Variants in LMNTD1 observed in about 807,000 individuals in gnomAD.
LMNTD1 encodes the protein lamin tail domain-containing protein 1.
In LMNTD1, 35 loss-of-function variants were observed where a neutral mutation model predicts 50.9. The observed-to-expected ratio is 0.69, with a 90% CI of 0.53 to 0.91. The LOEUF (loss-of-function observed/expected upper bound fraction) is 0.91. Among genes scored for constraint, LMNTD1 ranks in the 40% least tolerant of loss-of-function variants. The pLI, the probability that LMNTD1 is intolerant of heterozygous loss-of-function variation, is 0.00. For missense variants in LMNTD1, 470 were observed against 475.5 expected (o/e 0.99, Z 0.11); for synonymous variants, 153 against 161.9 (o/e 0.94, Z 0.42).
intron 6 of LMNTD1, among the ~76,000 whole-genome samples, chr12:25,521,025 T>C (rs1941280832): frequency 1.3e-5 from 2 of 152,222 alleles, no homozygotes. Flanking sequence ...AAATGTCTAT[T>C]CAGGTCTTTT....
At chr12:25,548,754 G>A (rs1244792703) in intron 3 of LMNTD1, among the ~76,000 whole-genome samples, 1 of 151,958 alleles carries the variant, frequency 6.6e-6, no homozygotes, top group Non-Finnish European at 1.5e-5. Context: ...CATGGGTATT[G>A]CTGAGCACAT....
chr12:25,538,376 A>G (rs1311983679), intron 4 of LMNTD1, among the ~76,000 whole-genome samples: 1 of 151,494 alleles, frequency 6.6e-6, no homozygotes, highest in African/African-American at 2.4e-5. Flanking sequence ...GCGGATCTCT[A>G]GGCAGAAACC....
At chr12:25,607,976 T>C (rs1946152335) in intron 1 of LMNTD1, among the ~76,000 whole-genome samples, 1 of 152,198 alleles carries the variant, frequency 6.6e-6, no homozygotes, top group Non-Finnish European at 1.5e-5. Context: ...TCTAAGTCTC[T>C]TTGTAGGTCT....
chr12:25,541,519 T>A (rs897305416), intron 4 of LMNTD1, among the ~76,000 whole-genome samples: 8 of 101,438 alleles, frequency 7.9e-5, no homozygotes, highest in African/African-American at 2.6e-4. Context: ...GCTAGCCATA[T>A]GTAGAAAGCT....
chr12:25,549,526 ACT>A lies in LMNTD1; in HGVS notation c.108_109del (p.Val37IlefsTer36). ...TGGGGAAAAATGTACTAAAGAATAT[ACT>A]CCAAGTTTGTCTTCTCTTCTGTGTA... On this transcript the variant is annotated frameshift_variant, in exon 3 of 10. Transcript: ENST00000458174. LOFTEE classifies it high-confidence loss of function. 6.2e-7 allele frequency: 1 copy of A among 1,606,734 alleles called. No homozygotes were observed. Among genetic ancestry groups the A allele is most frequent in the East Asian group, 2.2e-5 (1 of 44,714 alleles).
Position 25,549,346 on chromosome 12 carries a change from G to C in LMNTD1, c.290C>G (p.Ser97Cys), listed in dbSNP as rs762335329. ...CTTACCCAAGCTGTTTTCCACTCTG[G>C]AACAGCTACCTACAGTAGCTTTAGA... Reference protein sequence around the residue: ...LTSKATVGSCSRVENSLDASP... With the variant: ...LTSKATVGSCCRVENSLDASP... The change falls in exon 3 of 10, where the codon TCC becomes TGC. Residue 97 changes from serine to cysteine, a missense_variant. By Grantham distance (112) the Ser-to-Cys change is moderately radical (BLOSUM62 -1). Transcript: ENST00000458174. The C allele has an allele frequency of 2.5e-6, 4 of 1,607,356 alleles. No homozygotes were observed. Among genetic ancestry groups the C allele is most frequent in the Admixed American group, 1.7e-5 (1 of 59,586 alleles).
chr12:25,568,914 A>G (rs1944668034), intron 1 of LMNTD1, among the ~76,000 whole-genome samples: 2 of 152,226 alleles, frequency 1.3e-5, no homozygotes, highest in South Asian at 4.1e-4. Context: ...AGCCTGCCAC[A>G]TGGGAGGAGC....
At chr12:25,643,827 GATT>G (rs145275411) in intron 1 of LMNTD1, among the ~76,000 whole-genome samples, 2,742 of 152,286 alleles carry the variant, frequency 0.018, 76 homozygotes, top group African/African-American at 0.062. Flanking sequence ...GTAGTTAGTT[GATT>G]ATGAGTCCAA....
intron 8 of LMNTD1, among the ~76,000 whole-genome samples, chr12:25,515,150 A>G (rs1180676819): frequency 6.6e-6 from 1 of 152,056 alleles, no homozygotes; most frequent in Non-Finnish European, 1.5e-5. Flanking sequence ...ATTGCCGTAG[A>G]CATAACATTT....
intron 1 of LMNTD1, among the ~76,000 whole-genome samples, chr12:25,563,417 C>A (rs1002761342): frequency 6.6e-6 from 1 of 152,228 alleles, no homozygotes; most frequent in Non-Finnish European, 1.5e-5. Context: ...CCACTCCAAA[C>A]GCTGTTTGCC....
intron 4 of LMNTD1, among the ~76,000 whole-genome samples, chr12:25,544,561 T>G (rs776317611): frequency 9.2e-5 from 14 of 151,826 alleles, no homozygotes; most frequent in Non-Finnish European, 2.1e-4. Flanking sequence ...ACATTAAGTA[T>G]TATTATTGAA....
chr12:25,576,918 A>G (rs1945044962), intron 1 of LMNTD1, among the ~76,000 whole-genome samples: 1 of 152,152 alleles, frequency 6.6e-6, no homozygotes, highest in African/African-American at 2.4e-5. Flanking sequence ...ATGGCTAGCC[A>G]GTTTTCCCAG....
intron 9 of LMNTD1, among the ~76,000 whole-genome samples, chr12:25,482,427 C>G (rs904595365): frequency 6.6e-6 from 1 of 151,854 alleles, no homozygotes; most frequent in Admixed American, 6.5e-5. Flanking sequence ...GAAACTGAAG[C>G]CTTCGATTTA....
intron 4 of LMNTD1, among the ~76,000 whole-genome samples, chr12:25,536,805 A>G (rs1275226777): frequency 6.6e-6 from 1 of 152,258 alleles, no homozygotes; most frequent in Non-Finnish European, 1.5e-5. Flanking sequence ...CTGCATTTCC[A>G]TCTGAGGTAC....
chr12:25,619,274 ATATATG>A (rs1353473679), intron 1 of LMNTD1, among the ~76,000 whole-genome samples: 185 of 56,240 alleles, frequency 3.3e-3, no homozygotes, highest in Middle Eastern at 0.02. Context: ...ATATATATAT[ATATATG>A]TATAGCTAAC....
chr12:25,644,371 G>A lies in LMNTD1; in HGVS notation c.58+4123C>T, dbSNP rs953785674. 3.3e-5 allele frequency among the ~76,000 whole-genome samples: 5 copies of A among 150,222 alleles called. No homozygotes were observed. The East Asian group carries it at 9.8e-4, about 29-fold the overall frequency. On this transcript the variant is annotated intron_variant, in intron 1 of 7. Transcript: ENST00000445693. ...ATGGTGGCATGTGCCTGTGGTCTCA[G>A]CTACTCAAGAGGGTGAGGTGGGAAG...
At chr12:25,560,674 G>C (rs1174386172) in intron 1 of LMNTD1, among the ~76,000 whole-genome samples, 2 of 152,188 alleles carry the variant, frequency 1.3e-5, no homozygotes, top group Non-Finnish European at 2.9e-5. Flanking sequence ...TCCTATCCAT[G>C]AGCACCAAAT....
At chr12:25,589,281 GA>G (rs1945627937) in intron 1 of LMNTD1, among the ~76,000 whole-genome samples, 1 of 152,022 alleles carries the variant, frequency 6.6e-6, no homozygotes, top group Admixed American at 6.6e-5. Context: ...ACATGTTAAA[GA>G]AAACAAATTA....
chr12:25,564,330 C>T (rs897358681), intron 1 of LMNTD1, among the ~76,000 whole-genome samples: 15 of 152,216 alleles, frequency 9.9e-5, no homozygotes, highest in Admixed American at 2.0e-4. Flanking sequence ...ACAATCTCGG[C>T]TGACTGCAAC....
Sources: gnomAD v4.1 joint callset for allele counts (sites outside exome capture counted in the v4.1 genomes callset) on GRCh38, gnomAD v4.1.1 for gene constraint, MANE v1.5 for transcripts, NCBI Gene and HGNC (gene_info 2026-07-23, HGNC 2026-07-21) for gene names.